The following CFAP210 variants were observed in gnomAD, a reference collection of about 807,000 sequenced individuals.
The protein encoded by CFAP210 is cilia- and flagella- associated protein 210.
At chr2:169,646,099 C>A in the CFAP210 span, 1 of 1,613,888 alleles carries the variant, frequency 6.2e-7, no homozygotes, top group Non-Finnish European at 8.5e-7. Flanking sequence ...ATTCTTTCTC[C>A]TTTTCAGCCA....
the CFAP210 span, chr2:169,662,165 A>G: frequency 1.9e-6 from 2 of 1,050,690 alleles, no homozygotes; most frequent in Non-Finnish European, 2.8e-6. Flanking sequence ...TAATGTATGC[A>G]TGGGTCAAAA....
At chr2:169,656,777 A>G in the CFAP210 span, among the ~76,000 whole-genome samples, 2 of 151,976 alleles carry the variant, frequency 1.3e-5, no homozygotes, top group South Asian at 4.2e-4. Flanking sequence ...CAGCCTGGCC[A>G]ACATGGTGAA....
chr2:169,693,708 A>G, the CFAP210 span, among the ~76,000 whole-genome samples: 61,847 of 151,922 alleles, frequency 0.41, 12,841 homozygotes, highest in Non-Finnish European at 0.44. Flanking sequence ...ACTTTATGTC[A>G]CACGATTTTT....
At chr2:169,652,873 T>G in the CFAP210 span, among the ~76,000 whole-genome samples, 2 of 147,034 alleles carry the variant, frequency 1.4e-5, no homozygotes, top group African/African-American at 2.5e-5. Flanking sequence ...GGTGGCGGGC[T>G]CCTGTAGTCC....
the CFAP210 span, chr2:169,650,590 T>C: frequency 7.5e-7 from 1 of 1,341,852 alleles, no homozygotes; most frequent in Non-Finnish European, 9.6e-7. Context: ...CATAATTTAA[T>C]TAGGGAATCT....
chr2:169,683,321 T>C, the CFAP210 span, among the ~76,000 whole-genome samples: 5 of 152,324 alleles, frequency 3.3e-5, no homozygotes, highest in East Asian at 9.6e-4. Context: ...AGAAGAATAC[T>C]GTGTCTCCCG....
At chr2:169,672,234 C>A in the CFAP210 span, among the ~76,000 whole-genome samples, 1 of 152,156 alleles carries the variant, frequency 6.6e-6, no homozygotes, top group Non-Finnish European at 1.5e-5. Context: ...TTTCCAACTA[C>A]AGATTTGAAT....
chr2:169,674,320 C>T, the CFAP210 span, among the ~76,000 whole-genome samples: 1 of 152,126 alleles, frequency 6.6e-6, no homozygotes. Flanking sequence ...CAGCCAACCC[C>T]CAGATGCATG....
the CFAP210 span, among the ~76,000 whole-genome samples, chr2:169,653,165 G>A: frequency 0.014 from 2,039 of 147,580 alleles, 56 homozygotes; most frequent in African/African-American, 0.049. Flanking sequence ...TTGGGGAGGG[G>A]GTATAATTTT....
At chr2:169,687,753 T>C in the CFAP210 span, among the ~76,000 whole-genome samples, 1 of 152,148 alleles carries the variant, frequency 6.6e-6, no homozygotes, top group Admixed American at 6.5e-5. Context: ...ACGGTGGCCC[T>C]CTTCTCACAG....
the CFAP210 span, among the ~76,000 whole-genome samples, chr2:169,674,099 G>C: frequency 2.0e-5 from 3 of 152,134 alleles, no homozygotes; most frequent in Non-Finnish European, 4.4e-5. Context: ...CTTCTCCATT[G>C]ACTTTGGGTT....
the CFAP210 span, chr2:169,674,813 T>C: frequency 2.7e-6 from 4 of 1,508,748 alleles, no homozygotes. Context: ...TGATGCCTAA[T>C]TATGTACAGA....
At chr2:169,679,162 G>A in the CFAP210 span, among the ~76,000 whole-genome samples, 1 of 152,120 alleles carries the variant, frequency 6.6e-6, no homozygotes, top group Non-Finnish European at 1.5e-5. Flanking sequence ...ATACCTCATT[G>A]CATATAAGCA....
At chr2:169,653,590 A>G in the CFAP210 span, among the ~76,000 whole-genome samples, 1 of 124,136 alleles carries the variant, frequency 8.1e-6, no homozygotes, top group Non-Finnish European at 1.8e-5. Flanking sequence ...TGAATACTTC[A>G]TTTTAAAAAT....
At chr2:169,694,229 T>A in the CFAP210 span, 28 of 1,608,014 alleles carry the variant, frequency 1.7e-5, no homozygotes, top group Non-Finnish European at 2.4e-5. Flanking sequence ...CCAGAAACAA[T>A]CCCTGTCCCT....
At chr2:169,647,773 A>G in the CFAP210 span, among the ~76,000 whole-genome samples, 1 of 152,228 alleles carries the variant, frequency 6.6e-6, no homozygotes, top group Admixed American at 6.5e-5. Context: ...CATGGGATGG[A>G]AGAAGACATT....
chr2:169,652,420 T>C, the CFAP210 span, among the ~76,000 whole-genome samples: 2 of 152,178 alleles, frequency 1.3e-5, no homozygotes, highest in African/African-American at 4.8e-5. Context: ...TTCCCGGTGC[T>C]GGGGACAGAC....
chr2:169,671,555 G>C, the CFAP210 span, among the ~76,000 whole-genome samples: 7 of 152,106 alleles, frequency 4.6e-5, no homozygotes, highest in African/African-American at 1.7e-4. Context: ...TTCAACCTTC[G>C]CCTCCCAGGT....
At chr2:169,676,629 G>A in the CFAP210 span, among the ~76,000 whole-genome samples, 24 of 152,108 alleles carry the variant, frequency 1.6e-4, no homozygotes, top group Middle Eastern at 3.4e-3. Context: ...AATGTCGTAT[G>A]TTACATATAT....
Sources: allele counts gnomAD v4.1 joint callset (sites outside exome capture counted in the v4.1 genomes callset), GRCh38; gene constraint gnomAD v4.1.1; transcripts MANE v1.5; gene names NCBI Gene and HGNC (gene_info 2026-07-23, HGNC 2026-07-21).